Variants in CNTN1 observed in about 807,000 individuals in gnomAD.
CNTN1 encodes contactin-1.
In CNTN1, 38 loss-of-function variants were observed where a neutral mutation model predicts 126.4. The ratio of observed to expected loss-of-function variants is 0.30; its 90% CI spans 0.23 to 0.39. The LOEUF (loss-of-function observed/expected upper bound fraction) is 0.39, where lower values mean the gene tolerates loss of function less well. Ranked by LOEUF, CNTN1 falls within the 10% of genes least tolerant of loss-of-function variation. CNTN1 has a pLI of 1.00. For synonymous variants in CNTN1, 413 were observed against 422.6 expected (o/e 0.98, Z 0.28); for missense variants, 1,009 against 1,248.4 (o/e 0.81, Z 2.89).
chr12:40,735,579 C>G (rs1041466015), intron 1 of CNTN1, among the ~76,000 whole-genome samples: 1 of 152,068 alleles, frequency 6.6e-6, no homozygotes, highest in Non-Finnish European at 1.5e-5. Context: ...ACCAAAGATA[C>G]TTCCTCTTTC....
chr12:41,052,834 AGTATAT>A (rs1350706651), intron 23 of CNTN1, among the ~76,000 whole-genome samples: 1 of 152,062 alleles, frequency 6.6e-6, no homozygotes, highest in Non-Finnish European at 1.5e-5. Flanking sequence ...TCGGATTTCC[AGTATAT>A]GCTTTATAAT....
intron 1 of CNTN1, among the ~76,000 whole-genome samples, chr12:40,707,060 A>G (rs200174987): frequency 0.39 from 39,143 of 101,408 alleles, 5,703 homozygotes; most frequent in East Asian, 0.59. Context: ...ACACACACAC[A>G]CACACACACA....
chr12:40,984,837 T>C (rs914748528), intron 16 of CNTN1, among the ~76,000 whole-genome samples: 14 of 152,226 alleles, frequency 9.2e-5, no homozygotes, highest in African/African-American at 2.9e-4. Flanking sequence ...TATATATACA[T>C]GCATATATAA....
chr12:40,745,778 A>T (rs1938156646), intron 1 of CNTN1, among the ~76,000 whole-genome samples: 2 of 152,156 alleles, frequency 1.3e-5, no homozygotes, highest in African/African-American at 4.8e-5. Flanking sequence ...TGGCAAAGAA[A>T]CATATTCGGG....
chr12:40,907,228 T>C (rs1342872285), intron 1 of CNTN1, among the ~76,000 whole-genome samples: 1 of 152,178 alleles, frequency 6.6e-6, no homozygotes. Flanking sequence ...AGGCCCTGCC[T>C]ACCGCAGGAA....
intron 1 of CNTN1, among the ~76,000 whole-genome samples, chr12:40,901,379 T>C (rs1944603773): frequency 6.6e-6 from 1 of 152,172 alleles, no homozygotes; most frequent in Admixed American, 6.5e-5. Context: ...TTAACACCAT[T>C]TGGGGTGCAC....
chr12:40,875,816 T>C (rs1026889524), intron 1 of CNTN1, among the ~76,000 whole-genome samples: 3 of 152,136 alleles, frequency 2.0e-5, no homozygotes, highest in Non-Finnish European at 4.4e-5. Context: ...TATAAGCTTC[T>C]ATGAATATTT....
At chr12:41,052,792 T>C (rs537961984) in intron 23 of CNTN1, among the ~76,000 whole-genome samples, 2 of 152,186 alleles carry the variant, frequency 1.3e-5, no homozygotes, top group African/African-American at 4.8e-5. Context: ...CTTAAGAACA[T>C]TTATTTATCC....
rs190718547 is a variant in CNTN1 at position 40,980,161 on chromosome 12, G to A, written c.1805-748G>A. ...TATAAGAAAGTATGTGGGCCAGTGCGGTGGTTCACACCTGTAGTCCCAACA... is the reference window on the plus strand; with the variant it reads ...TATAAGAAAGTATGTGGGCCAGTGCAGTGGTTCACACCTGTAGTCCCAACA... On this transcript the variant is annotated intron_variant, in intron 15 of 23. Coordinates refer to ENST00000551295, the MANE Select transcript of CNTN1 (RefSeq NM_001843.4). Among the ~76,000 whole-genome samples the A allele has an allele frequency of 1.2e-4, 19 of 152,188 alleles. No individual in the cohort carries two copies. The East Asian group carries it at 2.5e-3, about 20-fold the overall frequency.
intron 1 of CNTN1, among the ~76,000 whole-genome samples, chr12:40,890,093 G>C (rs1944187794): frequency 6.6e-6 from 1 of 152,038 alleles, no homozygotes; most frequent in South Asian, 2.1e-4. Context: ...CATTAGATAT[G>C]GACTATCTCT....
At chr12:40,859,086 G>GTATGTA (rs1353495956) in intron 1 of CNTN1, among the ~76,000 whole-genome samples, 3 of 151,894 alleles carry the variant, frequency 2.0e-5, no homozygotes, top group Non-Finnish European at 4.4e-5. Flanking sequence ...GGCACATGTT[G>GTATGTA]ACCTATGTAA....
chr12:40,849,907 T>C, intron 1 of CNTN1, among the ~76,000 whole-genome samples: 1 of 152,148 alleles, frequency 6.6e-6, no homozygotes, highest in Non-Finnish European at 1.5e-5. Flanking sequence ...ACATACAGTA[T>C]ATATGCATCT....
intron 1 of CNTN1, among the ~76,000 whole-genome samples, chr12:40,837,667 G>A (rs1337959023): frequency 1.3e-5 from 2 of 152,146 alleles, no homozygotes; most frequent in African/African-American, 4.8e-5. Flanking sequence ...AGGTGTTAGG[G>A]AAACTTGGGC....
At chr12:40,882,148 G>T (rs1348767555) in intron 1 of CNTN1, among the ~76,000 whole-genome samples, 2 of 151,604 alleles carry the variant, frequency 1.3e-5, no homozygotes, top group Non-Finnish European at 3.0e-5. Flanking sequence ...TCACTTCTCA[G>T]TTTCCCAAGC....
chr12:40,702,901 T>C (rs1277316395), intron 1 of CNTN1, among the ~76,000 whole-genome samples: 1 of 152,212 alleles, frequency 6.6e-6, no homozygotes, highest in Non-Finnish European at 1.5e-5. Flanking sequence ...TTGGGTAATG[T>C]TTCCAATGTT....
At position 40,844,069 on chromosome 12, in the gene CNTN1, A is replaced by ATTTTTTTTTTTTTTTT. The variant is rs397957366; in HGVS notation, c.-76-64287_-76-64272dup. On this transcript the variant is annotated intron_variant, in intron 1 of 23. Transcript: ENST00000551295. ...ATTGAAAAAATTCTTTGGCACAATG[A>ATTTTTTTTTTTTTTTT]TTTTTTTTTTTTTTTTGAGACGGAG... is the stretch of plus-strand genomic sequence containing the variant. Among the ~76,000 whole-genome samples the ATTTTTTTTTTTTTTTT allele has an allele frequency of 1.1e-3, 92 of 84,636 alleles. 21 individuals carry two copies. Among genetic ancestry groups the ATTTTTTTTTTTTTTTT allele is most frequent in the East Asian group, 5.3e-3 (11 of 2,082 alleles). The allele number at this position is 84,636 out of a possible 152,430, so 55.5% of individuals were successfully genotyped here. A position where few individuals can be genotyped will look rare whatever the true frequency, so the allele number is the denominator to read the frequency against.
intron 4 of CNTN1, among the ~76,000 whole-genome samples, chr12:40,919,332 T>G (rs377238149): frequency 6.6e-6 from 1 of 152,160 alleles, no homozygotes; most frequent in East Asian, 1.9e-4. Context: ...GGGTTACATA[T>G]GTATGCTATC....
intron 1 of CNTN1, among the ~76,000 whole-genome samples, chr12:40,849,161 G>A (rs1427091048): frequency 3.9e-5 from 6 of 152,052 alleles, no homozygotes; most frequent in Non-Finnish European, 5.9e-5. Context: ...ATGGGGATTA[G>A]TAATACCTGG....
chr12:40,842,385 G>A (rs1462592114), intron 1 of CNTN1, among the ~76,000 whole-genome samples: 1 of 151,988 alleles, frequency 6.6e-6, no homozygotes, highest in African/African-American at 2.4e-5. Context: ...AAAATAGCTA[G>A]AAGAGAAGAA....
Sources: gnomAD v4.1 joint callset for allele counts (sites outside exome capture counted in the v4.1 genomes callset) on GRCh38, gnomAD v4.1.1 for gene constraint, MANE v1.5 for transcripts, NCBI Gene and HGNC (gene_info 2026-07-23, HGNC 2026-07-21) for gene names.